ATRX: variants seen among roughly 807,000 people sequenced by gnomAD.
ATRX encodes chromatin remodeler ATRX.
A neutral mutation model predicts 172.6 loss-of-function variants in ATRX; 12 were observed. That is an observed-to-expected ratio of 0.07 (90% CI 0.04 to 0.11). The LOEUF is 0.11. Ranked by LOEUF, ATRX falls within the 10% of genes least tolerant of loss-of-function variation. ATRX has a pLI of 1.00. For missense variants in ATRX, 1,368 were observed against 1,767.4 expected (o/e 0.77, Z 4.05); for synonymous variants, 674 against 594.7 (o/e 1.13, Z -1.94).
chrX:77,738,346 A>G (rs2074693065), intron 1 of ATRX, among the ~76,000 whole-genome samples: 1 of 106,909 alleles, frequency 9.4e-6, no homozygotes, highest in African/African-American at 3.4e-5. Flanking sequence ...AAAAAAAAAA[A>G]AAACAATAAA....
In ATRX at chrX:77,647,736, C is replaced by T. The variant is rs781804205; in HGVS notation, c.4557+4378G>A. ...ATATTGAACTTTAGCTAATGATACACCTGCTAAAGCATTTGAGATAAATGA... is the reference window on the plus strand; with the variant it reads ...ATATTGAACTTTAGCTAATGATACATCTGCTAAAGCATTTGAGATAAATGA... On this transcript the variant is annotated intron_variant, in intron 15 of 34. Transcript: ENST00000373344. Among the ~76,000 whole-genome samples, 16 of 111,352 alleles carry T rather than the reference C, an allele frequency of 1.4e-4. 1 individual carries two copies. The South Asian group carries it at 5.9e-3, about 41-fold the overall frequency.
chrX:77,659,895 T>C lies in ATRX; in HGVS notation c.4121-3242A>G, dbSNP rs1282204359. Among the ~76,000 whole-genome samples, 3 of 110,917 alleles carry C rather than the reference T, an allele frequency of 2.7e-5. No homozygotes were observed. In the East Asian group the frequency reaches 8.4e-4, roughly 31 times the overall value. ...ATTAGAATTTACAAAACTCAGAAAA[T>C]CATGCAACTTCAACTATATATCAAC... On this transcript the variant is annotated intron_variant, in intron 12 of 34. Coordinates refer to ENST00000373344, the MANE Select transcript of ATRX (RefSeq NM_000489.6).
chrX:77,684,493 T>C lies in ATRX; in HGVS notation c.763A>G (p.Thr255Ala), dbSNP rs1210722443. The change falls in exon 9 of 35, where the codon ACA (threonine) becomes GCA (alanine). Residue 255 changes from threonine (T) to alanine (A), a missense_variant. Around this residue, in one of 17 missense-constraint regions of ATRX, gnomAD observed 17 missense variants for 30.3 expected, o/e 0.56. Transcript: ENST00000373344. ...LRNLGRKELS[T>A]IMDENNQWYC... ...CATTGGTTGTTTTCATCCATTATTG[T>C]GGACAACTCCTTTCGACCAAGGTTG... 8.3e-7 allele frequency: 1 copy of C among 1,210,299 alleles called. No individual in the cohort carries two copies. The highest frequency in any genetic ancestry group is 1.1e-6 in the Non-Finnish European group (1 of 894,431).
chrX:77,668,288 T>C (rs1205890950), intron 10 of ATRX, among the ~76,000 whole-genome samples: 1 of 111,203 alleles, frequency 9.0e-6, no homozygotes, highest in African/African-American at 3.3e-5. Flanking sequence ...AAGGATATCA[T>C]CACTTGAGAA....
At chrX:77,584,314 AC>A (rs1557075667) in intron 27 of ATRX, among the ~76,000 whole-genome samples, 2 of 111,664 alleles carry the variant, frequency 1.8e-5, no homozygotes, top group African/African-American at 6.5e-5. Flanking sequence ...AATACAAAAA[AC>A]AACCCTAAAA....
chrX:77,600,303 T>C (rs1449756034), intron 23 of ATRX, 131 bp downstream of exon 23: 16 of 770,403 alleles, frequency 2.1e-5, no homozygotes, highest in African/African-American at 4.2e-5. Flanking sequence ...GCAAGACATA[T>C]AGAAATTAGA....
intron 27 of ATRX, among the ~76,000 whole-genome samples, chrX:77,583,192 T>C (rs1949923148): frequency 9.0e-6 from 1 of 111,562 alleles, no homozygotes; most frequent in South Asian, 3.8e-4. Flanking sequence ...CATATACAAA[T>C]TGATGTGATA....
At chrX:77,576,064 C>T (rs1413426437) in intron 27 of ATRX, among the ~76,000 whole-genome samples, 4 of 111,064 alleles carry the variant, frequency 3.6e-5, no homozygotes, top group Non-Finnish European at 7.6e-5. Context: ...CAAAGGCAGA[C>T]CAATCTGATT....
At chrX:77,561,781 A>G (rs1279691428) in intron 28 of ATRX, 1 of 110,891 alleles carries the variant, frequency 9.0e-6, no homozygotes, top group Non-Finnish European at 1.9e-5. Context: ...TATATCCTTC[A>G]CTCTCGGCTT....
In ATRX at chrX:77,683,587, C is replaced by G. The variant is rs782332325; in HGVS notation, c.1669G>C (p.Glu557Gln). 1.7e-6 allele frequency: 2 copies of G among 1,209,672 alleles called. No homozygotes were observed. The highest frequency in any genetic ancestry group is 3.5e-5 in the African/African-American group (2 of 57,220). Reference protein sequence around the residue: ...DGSSGTEQEVESSSVKLNISS... With the variant: ...DGSSGTEQEVQSSSVKLNISS... The stretch of plus-strand genomic sequence containing the variant: ...ATATTTAATTTTACAGATGAACTCT[C>G]CACTTCTTGTTCAGTTCCACTGCTG... Residue 557 changes from glutamate to glutamine, a missense_variant, in exon 9 of 35, where the codon GAG (glutamate) becomes CAG (glutamine). By Grantham distance (29) the Glu-to-Gln change is conservative (BLOSUM62 2). Coordinates refer to ENST00000373344, the MANE Select transcript of ATRX (RefSeq NM_000489.6).
At position 77,749,029 on chromosome X, in the gene ATRX, A is replaced by G. The variant is rs781878895; in HGVS notation, c.21-31786T>C. Among the ~76,000 whole-genome samples the G allele has an allele frequency of 1.4e-4, 16 of 111,244 alleles. No individual in the cohort carries two copies. In the Admixed American group the frequency reaches 1.5e-3, roughly 11 times the overall value. On this transcript the variant is annotated intron_variant, in intron 1 of 34. Coordinates refer to ENST00000373344, the MANE Select transcript of ATRX (RefSeq NM_000489.6). Reference sequence around the variant, plus strand: ...GTACATGCATATATTGCATGGTGGTAAAGTGGGATTTTAGTGTACCCATCA... The same window carrying G: ...GTACATGCATATATTGCATGGTGGTGAAGTGGGATTTTAGTGTACCCATCA...
chrX:77,538,094 T>C (rs2063818272), intron 30 of ATRX, among the ~76,000 whole-genome samples: 1 of 110,268 alleles, frequency 9.1e-6, no homozygotes, highest in African/African-American at 3.3e-5. Flanking sequence ...CTGGGCTTAA[T>C]ACTTAGGTGT....
At chrX:77,524,578 T>G (rs1248757782) in intron 30 of ATRX, among the ~76,000 whole-genome samples, 1 of 111,237 alleles carries the variant, frequency 9.0e-6, no homozygotes, top group Non-Finnish European at 1.9e-5. Context: ...CCCAGGTTTT[T>G]TTTCTATATA....
chrX:77,779,268 T>C (rs937314637), intron 1 of ATRX, among the ~76,000 whole-genome samples: 2 of 109,016 alleles, frequency 1.8e-5, no homozygotes, highest in Non-Finnish European at 3.8e-5. Flanking sequence ...TATAAAGCTT[T>C]CCTTGGTCCC....
chrX:77,533,326 G>A (rs1450666682), intron 30 of ATRX, among the ~76,000 whole-genome samples: 2 of 111,936 alleles, frequency 1.8e-5, no homozygotes, highest in African/African-American at 3.2e-5. Flanking sequence ...ACATGCATGC[G>A]TATGTTCACT....
chrX:77,633,530 C>A, intron 18 of ATRX, 36 bp downstream of exon 18: 1 of 1,174,958 alleles, frequency 8.5e-7, no homozygotes. Context: ...TTTCATGTGA[C>A]TATTTTAATA....
intron 28 of ATRX, among the ~76,000 whole-genome samples, chrX:77,573,844 T>C (rs1557068948): frequency 1.8e-5 from 2 of 111,527 alleles, no homozygotes; most frequent in Admixed American, 9.5e-5. Context: ...TAAATACTTA[T>C]GTTCACACAA....
intron 15 of ATRX, among the ~76,000 whole-genome samples, chrX:77,647,874 G>GA (rs2068995941): frequency 9.0e-6 from 1 of 111,435 alleles, no homozygotes; most frequent in Non-Finnish European, 1.9e-5. Flanking sequence ...ATATGACAAT[G>GA]AAAAAAATCT....
At chrX:77,617,524 A>C (rs2067402873) in intron 21 of ATRX, among the ~76,000 whole-genome samples, 1 of 111,228 alleles carries the variant, frequency 9.0e-6, no homozygotes, top group Non-Finnish European at 1.9e-5. Flanking sequence ...TTATATAAAT[A>C]ATGTAGTGTT....
Sources: allele counts gnomAD v4.1 joint callset (sites outside exome capture counted in the v4.1 genomes callset), GRCh38; gene constraint gnomAD v4.1.1; regional missense constraint gnomAD v4.1.1; transcripts MANE v1.5; gene names NCBI Gene and HGNC (gene_info 2026-07-23, HGNC 2026-07-21).